The following CSMD1 variants were observed in gnomAD, a reference collection of about 807,000 sequenced individuals.
CSMD1 encodes the protein CUB and Sushi multiple domains 1, also known as CUB and sushi domain-containing protein 1.
Under a neutral mutation model 417.5 loss-of-function variants are expected in CSMD1, and 213 were observed. That is an observed-to-expected ratio of 0.51 (90% CI 0.46 to 0.57). The LOEUF is 0.57. Ranked by LOEUF, CSMD1 falls within the 20% of genes least tolerant of loss-of-function variation. The pLI, the probability that CSMD1 is intolerant of heterozygous loss-of-function variation, is 0.00. For synonymous variants in CSMD1, 2,862 were observed against 1,736.8 expected, an observed-to-expected ratio of 1.65 and a Z score of -16.11; for missense variants, 6,923 against 4,529.7, an observed-to-expected ratio of 1.53 and a Z score of -15.17.
intron 1 of CSMD1, among the ~76,000 whole-genome samples, chr8:4,947,588 T>C (rs1237420561): frequency 6.6e-6 from 1 of 152,026 alleles, no homozygotes. Flanking sequence ...AATTTGAAGA[T>C]TTTCTTCCCC....
chr8:4,735,756 C>G (rs970939910), intron 1 of CSMD1, among the ~76,000 whole-genome samples: 2 of 152,088 alleles, frequency 1.3e-5, no homozygotes, highest in African/African-American at 4.8e-5. Context: ...TGTTAGTCTT[C>G]CTAGTTGTCA....
At chr8:4,205,603 C>G (rs1321837976) in intron 3 of CSMD1, among the ~76,000 whole-genome samples, 1 of 152,202 alleles carries the variant, frequency 6.6e-6, no homozygotes, top group East Asian at 1.9e-4. Context: ...GGATGAAGCC[C>G]TGACAATTTC....
chr8:4,742,753 T>A (rs1810705869), intron 1 of CSMD1, among the ~76,000 whole-genome samples: 2 of 152,202 alleles, frequency 1.3e-5, no homozygotes, highest in Non-Finnish European at 2.9e-5. Context: ...AACAAATGTA[T>A]GGTCTATTAA....
At chr8:4,210,837 T>G (rs992794707) in intron 3 of CSMD1, among the ~76,000 whole-genome samples, 10 of 152,154 alleles carry the variant, frequency 6.6e-5, no homozygotes, top group African/African-American at 1.7e-4. Context: ...GAATCATGTA[T>G]CTCGGGAAAG....
chr8:3,472,858 C>G (rs1418212727), intron 11 of CSMD1, among the ~76,000 whole-genome samples: 2 of 152,088 alleles, frequency 1.3e-5, no homozygotes, highest in Non-Finnish European at 2.9e-5. Context: ...TTTCATGTCA[C>G]CAGTCATCGG....
intron 12 of CSMD1, among the ~76,000 whole-genome samples, chr8:3,426,990 G>A (rs1408964529): frequency 2.0e-5 from 3 of 152,174 alleles, no homozygotes; most frequent in Admixed American, 1.3e-4. Context: ...AAGGCGGCAT[G>A]AAGGAGAGGA....
chr8:4,573,614 AG>A (rs1239072081), intron 2 of CSMD1, among the ~76,000 whole-genome samples: 1 of 151,910 alleles, frequency 6.6e-6, no homozygotes, highest in African/African-American at 2.4e-5. Flanking sequence ...GTCCCACTTG[AG>A]GGGGCGGTCT....
At chr8:4,204,510 A>G (rs1339219634) in intron 3 of CSMD1, among the ~76,000 whole-genome samples, 3 of 152,204 alleles carry the variant, frequency 2.0e-5, no homozygotes, top group Non-Finnish European at 2.9e-5. Context: ...TTCAATTTCC[A>G]TAATTTATTT....
chr8:4,118,245 T>G (rs1802274866), intron 3 of CSMD1, among the ~76,000 whole-genome samples: 1 of 152,190 alleles, frequency 6.6e-6, no homozygotes, highest in African/African-American at 2.4e-5. Flanking sequence ...TTCCAGCAAC[T>G]AAACTTCTGA....
intron 2 of CSMD1, among the ~76,000 whole-genome samples, chr8:4,422,753 C>A (rs915945011): frequency 1.3e-5 from 2 of 152,048 alleles, no homozygotes; most frequent in Admixed American, 6.6e-5. Context: ...AAAATAATGT[C>A]TCTCATGCAT....
chr8:3,619,035 G>A (rs1019638536), intron 7 of CSMD1, among the ~76,000 whole-genome samples: 5 of 152,174 alleles, frequency 3.3e-5, no homozygotes, highest in African/African-American at 9.7e-5. Flanking sequence ...AAGCACTGCT[G>A]TATAGAAAAC....
intron 50 of CSMD1, among the ~76,000 whole-genome samples, chr8:3,035,946 G>A (rs1392835757): frequency 6.6e-6 from 1 of 152,104 alleles, no homozygotes; most frequent in Non-Finnish European, 1.5e-5. Context: ...ATTTACTGGA[G>A]ATCATTTCAA....
intron 26 of CSMD1, among the ~76,000 whole-genome samples, chr8:3,233,655 C>T (rs1323339524): frequency 6.6e-6 from 1 of 152,084 alleles, no homozygotes; most frequent in Non-Finnish European, 1.5e-5. Flanking sequence ...TATTTTTATT[C>T]TCTTTTTTTT....
intron 21 of CSMD1, among the ~76,000 whole-genome samples, chr8:3,350,238 GTA>G (rs1242266141): frequency 7.3e-6 from 1 of 136,176 alleles, no homozygotes; most frequent in Non-Finnish European, 1.6e-5. Context: ...AATAACTTGT[GTA>G]TGTGTGTGTT....
At chr8:4,181,569 C>G (rs181942766) in intron 3 of CSMD1, among the ~76,000 whole-genome samples, 1 of 152,050 alleles carries the variant, frequency 6.6e-6, no homozygotes, top group Non-Finnish European at 1.5e-5. Flanking sequence ...ACATGCAAAG[C>G]CTTACTGGGC....
In CSMD1 at chr8:3,668,567, T is replaced by A. The variant is rs76896975; in HGVS notation, c.1009+39847A>T. 4.5e-4 allele frequency among the ~76,000 whole-genome samples: 69 copies of A among 152,148 alleles called. 1 individual carries two copies. In the East Asian group the frequency reaches 0.012, roughly 27 times the overall value. On this transcript the variant is annotated intron_variant, in intron 7 of 69. Coordinates refer to ENST00000635120, the MANE Select transcript of CSMD1 (RefSeq NM_033225.6). ...TACCACAGGTAATATGCAAAGGGGATCAAGCCTGGTCCTTACTACAGAAAA... is the reference window on the plus strand; with the variant it reads ...TACCACAGGTAATATGCAAAGGGGAACAAGCCTGGTCCTTACTACAGAAAA...
chr8:4,992,979 C>G (rs541556749), intron 1 of CSMD1, among the ~76,000 whole-genome samples: 9 of 152,248 alleles, frequency 5.9e-5, no homozygotes, highest in African/African-American at 2.2e-4. Context: ...CCTGGACGCC[C>G]CGTGGAGGCA....
At chr8:4,411,208 C>G (rs890083275) in intron 3 of CSMD1, among the ~76,000 whole-genome samples, 7 of 152,024 alleles carry the variant, frequency 4.6e-5, no homozygotes, top group African/African-American at 1.7e-4. Flanking sequence ...ACTAGGAAAC[C>G]CATCAAGTAC....
chr8:3,360,588 G>T (rs540517388), intron 20 of CSMD1, among the ~76,000 whole-genome samples: 1 of 152,222 alleles, frequency 6.6e-6, no homozygotes, highest in East Asian at 1.9e-4. Flanking sequence ...GGAATGGTAA[G>T]AAGAGTTTCA....
Sources: allele counts gnomAD v4.1 joint callset (sites outside exome capture counted in the v4.1 genomes callset), GRCh38; gene constraint gnomAD v4.1.1; transcripts MANE v1.5; gene names NCBI Gene and HGNC (gene_info 2026-07-23, HGNC 2026-07-21).